GMNC: variants seen among roughly 807,000 people sequenced by gnomAD.
GMNC encodes geminin coiled-coil domain containing.
GMNC carries 16 observed loss-of-function variants against 33.6 expected under a neutral mutation model. The observed-to-expected ratio is 0.48, with a 90% confidence interval of 0.32 to 0.72. The LOEUF (loss-of-function observed/expected upper bound fraction) is 0.72. GMNC is among the 30% of genes least tolerant of loss of function. The probability of loss-of-function intolerance (pLI) is 0.03; values close to 1 mark genes in which losing one functional copy is unlikely to be tolerated. For missense variants in GMNC, 393 were observed against 388.9 expected, an observed-to-expected ratio of 1.01 and a Z score of -0.09; for synonymous variants, 156 against 147.3, an observed-to-expected ratio of 1.06 and a Z score of -0.43.
At chr3:190,847,877 C>T (rs1487359945), downstream of GMNC, among the ~76,000 whole-genome samples, 1 of 152,122 alleles carries the variant, frequency 6.6e-6, no homozygotes, top group Non-Finnish European at 1.5e-5. Flanking sequence ...ATGTGCAGTA[C>T]ATTTAAGATC....
At position 190,861,156 on chromosome 3, in the gene GMNC, C is replaced by T. The variant is rs917109181; in HGVS notation, c.4-298G>A. Among the ~76,000 whole-genome samples the T allele has an allele frequency of 6.6e-6, 1 of 152,058 alleles. No individual in the cohort carries two copies. The highest frequency in any genetic ancestry group is 1.5e-5 in the Non-Finnish European group (1 of 68,024). On this transcript the variant is annotated intron_variant, in intron 1 of 4. Transcript: ENST00000442080. The surrounding 1 kb of genome is among the most constrained non-coding windows in gnomAD (Gnocchi z 5.1). ...TATCCAGGAGGATTGTCTGTTGCAA[C>T]GACCAGCCCATCTAATAGTCTACCC...
At position 190,854,578 on chromosome 3, in the gene GMNC, A is replaced by T. The variant is rs1163720820; in HGVS notation, c.*717T>A. On this transcript the variant is annotated 3_prime_UTR_variant, in exon 5 of 5. Transcript: ENST00000442080. ...TGGAGTCATGTTGGTTAAAGAAATG[A>T]TGCTGGGTACATATAGAAGCTGATA... 6.6e-6 allele frequency: 1 copy of T among 152,240 alleles called. No individual in the cohort carries two copies. The highest frequency in any genetic ancestry group is 2.4e-5 in the African/African-American group (1 of 41,454). The allele number at this position is 152,240 out of a possible 1,614,324, so 9.4% of individuals were successfully genotyped here. A position where few individuals can be genotyped will look rare whatever the true frequency, so the allele number is the denominator to read the frequency against.
chr3:190,847,770 G>C (rs1223831187), downstream of GMNC, among the ~76,000 whole-genome samples: 1 of 152,128 alleles, frequency 6.6e-6, no homozygotes, highest in African/African-American at 2.4e-5. Flanking sequence ...CTCTAATGGG[G>C]GGAAGGGTTA....
chr3:190,848,183 T>G (rs1162707917), downstream of GMNC, among the ~76,000 whole-genome samples: 1 of 152,256 alleles, frequency 6.6e-6, no homozygotes, highest in Non-Finnish European at 1.5e-5. Flanking sequence ...CTTTTGGATT[T>G]GATATACACT....
chr3:190,851,707 G>A (rs73192251), downstream of GMNC, among the ~76,000 whole-genome samples: 7,962 of 151,836 alleles, frequency 0.052, 258 homozygotes, highest in East Asian at 0.16. Flanking sequence ...TTTTTTCTGT[G>A]ACAAAATTTA....
the GMNC span, among the ~76,000 whole-genome samples, chr3:190,844,038 A>G: frequency 1.3e-5 from 2 of 152,232 alleles, no homozygotes; most frequent in Non-Finnish European, 2.9e-5. Flanking sequence ...TAGTTTAAAT[A>G]TCATCATTCC....
chr3:190,857,817 G>A lies in GMNC; in HGVS notation c.350C>T (p.Ser117Phe). ...TTCTTCAAGACATTTAACCAAAGCA[G>A]AATTCAGGTATTGTCTGAGGTGATT... ...ENNHLRQYLN[S>F]ALVKCLEEKA... Residue 117 changes from serine (S) to phenylalanine (F), a missense_variant, in exon 4 of 5, where the codon TCT (serine) becomes TTT (phenylalanine). Ser to Phe is a radical substitution (Grantham distance 155). Coordinates refer to ENST00000442080, the MANE Select transcript of GMNC (RefSeq NM_001146686.3). 1 of 1,549,090 alleles carries A rather than the reference G, an allele frequency of 6.5e-7. No homozygotes were observed. Among genetic ancestry groups the A allele is most frequent in the South Asian group, 1.2e-5 (1 of 83,998 alleles).
chr3:190,862,024 T>C lies in GMNC; in HGVS notation c.3+589A>G, dbSNP rs1737882127. Among the ~76,000 whole-genome samples, 1 of 152,094 alleles carries C rather than the reference T, an allele frequency of 6.6e-6. No homozygotes were observed. The highest frequency in any genetic ancestry group is 2.1e-4 in the South Asian group (1 of 4,816). On this transcript the variant is annotated intron_variant, in intron 1 of 4. Transcript: ENST00000442080. The surrounding 1 kb of genome is among the most constrained non-coding windows in gnomAD (Gnocchi z 4.5). ...TTGTTAATGTTCTCGGTAAATTAAG[T>C]TTTGAAAAATTCCAGTTCTGAAGCA...
In GMNC at chr3:190,860,824, A is replaced by C. The variant is rs376955349; in HGVS notation, c.38T>G (p.Val13Gly). 6.4e-7 allele frequency: 1 copy of C among 1,551,460 alleles called. No homozygotes were observed. The highest frequency in any genetic ancestry group is 2.4e-5 in the East Asian group (1 of 40,916). The change falls in exon 2 of 5, where the codon GTA (valine) becomes GGA (glycine). Residue 13 changes from valine (V) to glycine (G), a missense_variant. By Grantham distance (109) the Val-to-Gly change is moderately radical (BLOSUM62 -3). Transcript: ENST00000442080. ...CGGGCAATTATAGCTCTGGCCTCCTACAAAGTACTGGTCTTGGCAAGGCAG... is the reference window on the plus strand; with the variant it reads ...CGGGCAATTATAGCTCTGGCCTCCTCCAAAGTACTGGTCTTGGCAAGGCAG... ...TILPCQDQYF[V>G]GGQSYNCPYS...
At chr3:190,843,796 A>C in the GMNC span, among the ~76,000 whole-genome samples, 1 of 152,300 alleles carries the variant, frequency 6.6e-6, no homozygotes, top group African/African-American at 2.4e-5. Context: ...CAATGTATAA[A>C]AGGACATCTT....
downstream of GMNC, among the ~76,000 whole-genome samples, chr3:190,847,786 G>GT (rs1439702231): frequency 2.0e-5 from 3 of 152,142 alleles, no homozygotes; most frequent in African/African-American, 7.2e-5. Context: ...GGTTAGGAGG[G>GT]TTAGGATAGG....
chr3:190,861,466 CT>C lies in GMNC; in HGVS notation c.4-609del, dbSNP rs770201610. Among the ~76,000 whole-genome samples, 624 of 148,012 alleles carry C rather than the reference CT, an allele frequency of 4.2e-3. 14 individuals are homozygous for C. In the East Asian group the frequency reaches 0.059, roughly 14 times the overall value. ...GTCTGTCTGCCTATCATCTATCTAT[CT>C]ATCTATCTATCTATCTATCTATCTA... On this transcript the variant is annotated intron_variant, in intron 1 of 4. Transcript: ENST00000442080. This position sits in a 1 kb window ranked among gnomAD's most constrained non-coding sequence, Gnocchi z 5.1.
chr3:190,851,828 G>A (rs546683467), downstream of GMNC, among the ~76,000 whole-genome samples: 19 of 151,890 alleles, frequency 1.3e-4, no homozygotes, highest in African/African-American at 4.6e-4. Context: ...TTATTTATTA[G>A]CTATAAATTC....
rs1337285863 is a variant in GMNC at position 190,855,912 on chromosome 3, A to G, written c.388T>C (p.Leu130=). 3.9e-6 allele frequency: 6 copies of G among 1,530,462 alleles called. No individual in the cohort carries two copies. The highest frequency in any genetic ancestry group is 4.9e-5 in the East Asian group (2 of 40,644). The allele number at this position is 1,530,462 out of a possible 1,614,324, so 94.8% of individuals were successfully genotyped here. The change falls in exon 5 of 5, where the codon TTG becomes CTG. Residue 130 remains leucine (L), a synonymous_variant. Transcript: ENST00000442080. ...VKCLEEKAKK[L]LSSDEFSKAY... ...TTGGAGAACTCATCAGATGAGAGCA[A>G]TTTCTAGGGAAGTGATATTTGAAAG... is the stretch of plus-strand genomic sequence containing the variant.
intron 4 of GMNC, among the ~76,000 whole-genome samples, chr3:190,856,520 C>A (rs1577911255): frequency 1.6e-5 from 2 of 125,206 alleles, no homozygotes; most frequent in South Asian, 2.4e-4. Context: ...TACATAATAT[C>A]TTTATCATTT....
At chr3:190,856,003 T>TCA (rs201698586) in intron 4 of GMNC, 88 bp from the exon 5 acceptor site, 12,802 of 977,648 alleles carry the variant, frequency 0.013, 174 homozygotes, top group South Asian at 0.04. Flanking sequence ...AAATTTCTCT[T>TCA]CACACAAGTA....
In GMNC at chr3:190,861,494, CTATCTATCTATCT is replaced by C. The variant is rs1187199262; in HGVS notation, c.4-649_4-637del. On this transcript the variant is annotated intron_variant, in intron 1 of 4. Transcript: ENST00000442080. This position sits in a 1 kb window ranked among gnomAD's most constrained non-coding sequence, Gnocchi z 5.1. ...TCTATCTATCTATCTATCTATCTAT[CTATCTATCTATCT>C]ATCTCTGTCCCAGAGATAATTAAAA... Among the ~76,000 whole-genome samples, 3 of 151,908 alleles carry C rather than the reference CTATCTATCTATCT, an allele frequency of 2.0e-5. No homozygotes were observed. Among genetic ancestry groups the C allele is most frequent in the Non-Finnish European group, 4.4e-5 (3 of 68,002 alleles).
At chr3:190,859,994 CTTTG>C (rs1275626176) in intron 2 of GMNC, among the ~76,000 whole-genome samples, 2 of 152,130 alleles carry the variant, frequency 1.3e-5, no homozygotes, top group African/African-American at 4.8e-5. Context: ...TTTGGGGTTC[CTTTG>C]TTTGTGTCTT....
At chr3:190,848,377 T>C (rs964230678), downstream of GMNC, among the ~76,000 whole-genome samples, 4 of 152,216 alleles carry the variant, frequency 2.6e-5, no homozygotes, top group African/African-American at 9.6e-5. Flanking sequence ...GTTCTACCTC[T>C]ATGTCTACTT....
Sources: gnomAD v4.1 joint callset for allele counts (sites outside exome capture counted in the v4.1 genomes callset) on GRCh38, gnomAD v4.1.1 for gene constraint, Gnocchi (gnomAD v3.1) non-coding constraint, MANE v1.5 for transcripts, NCBI Gene and HGNC (gene_info 2026-07-23, HGNC 2026-07-21) for gene names.